HIVEP1: variants seen among roughly 807,000 people sequenced by gnomAD.
HIVEP1 encodes the protein zinc finger protein 40.
Under a neutral mutation model 180.0 loss-of-function variants are expected in HIVEP1, and 36 were observed. The observed-to-expected ratio is 0.20, with a 90% confidence interval of 0.15 to 0.26. The LOEUF is 0.26. HIVEP1 is among the 10% of genes least tolerant of loss of function. The pLI is 1.00. For missense variants in HIVEP1, 3,143 were observed against 3,268.7 expected (o/e 0.96, Z 0.94); for synonymous variants, 1,239 against 1,239.0 (o/e 1.00, Z 0.00).
At chr6:12,052,152 T>C (rs1238355091) in intron 2 of HIVEP1, among the ~76,000 whole-genome samples, 1 of 152,218 alleles carries the variant, frequency 6.6e-6, no homozygotes, top group South Asian at 2.1e-4. Flanking sequence ...AATAAAGACA[T>C]GTCTTCTTAC....
intron 3 of HIVEP1, among the ~76,000 whole-genome samples, chr6:12,100,365 A>G (rs928477301): frequency 5.3e-5 from 8 of 152,324 alleles, no homozygotes; most frequent in East Asian, 1.9e-4. Context: ...GATGATTTCA[A>G]CCTACCGAAT....
At chr6:12,189,104 G>A in the HIVEP1 span, among the ~76,000 whole-genome samples, 3 of 151,846 alleles carry the variant, frequency 2.0e-5, no homozygotes, top group South Asian at 2.1e-4. Context: ...AGTAGATAAC[G>A]GTGGAGTGTT....
chr6:12,185,921 C>T, the HIVEP1 span, among the ~76,000 whole-genome samples: 1 of 152,156 alleles, frequency 6.6e-6, no homozygotes, highest in African/African-American at 2.4e-5. Flanking sequence ...ATCATTCAAC[C>T]TAGCAAATTC....
At chr6:12,069,214 A>G (rs1477753247) in intron 2 of HIVEP1, among the ~76,000 whole-genome samples, 1 of 152,246 alleles carries the variant, frequency 6.6e-6, no homozygotes, top group African/African-American at 2.4e-5. Flanking sequence ...CCTGCACAGC[A>G]TGTTCATTTA....
At position 12,123,789 on chromosome 6, in the gene HIVEP1, G is replaced by A; in HGVS notation, c.3994G>A (p.Ala1332Thr). 1.2e-6 allele frequency: 2 copies of A among 1,614,124 alleles called. No homozygotes were observed. Among genetic ancestry groups the A allele is most frequent in the Admixed American group, 1.7e-5 (1 of 60,016 alleles). ...CATAGAGGACGTTTCTAAAACGGAG[G>A]CTTCCCCCAAAATCGATTTTCTAAA... The part of the protein sequence containing the change: ...LDIEDVSKTE[A>T]SPKIDFLNKA... The change falls in exon 4 of 9, where the codon GCT (alanine) becomes ACT (threonine). Residue 1332 changes from alanine (A) to threonine (T), a missense_variant. By Grantham distance (58) the Ala-to-Thr change is moderately conservative. Around this residue, in one of 12 missense-constraint regions of HIVEP1, gnomAD observed 1,357 missense variants for 1,260.5 expected, o/e 1.08. Coordinates refer to ENST00000379388, the MANE Select transcript of HIVEP1 (RefSeq NM_002114.4).
chr6:12,172,481 C>G, the HIVEP1 span, among the ~76,000 whole-genome samples: 1 of 151,924 alleles, frequency 6.6e-6, no homozygotes, highest in Non-Finnish European at 1.5e-5. Context: ...ATTATTAAGA[C>G]ACCTCAAATT....
intron 7 of HIVEP1, among the ~76,000 whole-genome samples, chr6:12,160,373 AGAAATTGACAG>A (rs1430918441): frequency 6.6e-6 from 1 of 152,236 alleles, no homozygotes; most frequent in African/African-American, 2.4e-5. Flanking sequence ...ATATCACAGA[AGAAATTGACAG>A]GAAATTGTAG....
At chr6:12,129,584 A>T in intron 4 of HIVEP1, 175 bp from the exon 5 acceptor site, 1 of 697,460 alleles carries the variant, frequency 1.4e-6, no homozygotes, top group Non-Finnish European at 2.7e-6. Flanking sequence ...GCTGTGATTG[A>T]GACAGATTCA....
rs1757726066 is a variant in HIVEP1 at position 12,122,318 on chromosome 6, C to T, written c.2523C>T (p.Ser841=). ...LDCLPITRSN[S]MPTTGYSAVP... ...GTTTACCTATCACAAGAAGTAATTCCATGCCGACCACAGGTTATTCAGCAG... is the reference window on the plus strand; with the variant it reads ...GTTTACCTATCACAAGAAGTAATTCTATGCCGACCACAGGTTATTCAGCAG... Residue 841 remains serine (S), a synonymous_variant, in exon 4 of 9, where the codon TCC becomes TCT. Transcript: ENST00000379388. 6.2e-7 allele frequency: 1 copy of T among 1,614,102 alleles called. No individual in the cohort carries two copies. The highest frequency in any genetic ancestry group is 1.7e-5 in the Admixed American group (1 of 60,004).
At chr6:12,084,796 C>T (rs925008055) in intron 2 of HIVEP1, among the ~76,000 whole-genome samples, 12 of 151,924 alleles carry the variant, frequency 7.9e-5, no homozygotes, top group African/African-American at 2.4e-4. Context: ...GGAGGACGTA[C>T]GGGTGCTAGC....
At chr6:12,011,270 T>TGCCCCCCCCCCC, upstream of HIVEP1, among the ~76,000 whole-genome samples, 3 of 71,630 alleles carry the variant, frequency 4.2e-5, no homozygotes, top group African/African-American at 1.2e-4. Flanking sequence ...CCCCTTGGGG[T>TGCCCCCCCCCCC]CCCCCCCCCC....
At chr6:12,151,479 T>C (rs1417320101) in intron 7 of HIVEP1, among the ~76,000 whole-genome samples, 1 of 152,200 alleles carries the variant, frequency 6.6e-6, no homozygotes, top group Non-Finnish European at 1.5e-5. Context: ...AAAGTCAGTG[T>C]ATCTTATTGG....
intron 2 of HIVEP1, among the ~76,000 whole-genome samples, chr6:12,017,999 C>G (rs143072662): frequency 1.3e-5 from 2 of 152,216 alleles, no homozygotes; most frequent in Admixed American, 1.3e-4. Context: ...AGGCTGGGGC[C>G]GTGCAGGAGC....
downstream of HIVEP1, among the ~76,000 whole-genome samples, chr6:12,166,825 A>G (rs549795385): frequency 5.9e-5 from 9 of 152,324 alleles, no homozygotes; most frequent in East Asian, 1.7e-3. Context: ...ACATAGTAAG[A>G]TAATTTATTG....
rs747731602 is a variant in HIVEP1 at position 12,123,392 on chromosome 6, A to G, written c.3597A>G (p.Ser1199=). 6.2e-7 allele frequency: 1 copy of G among 1,614,206 alleles called. No individual in the cohort carries two copies. Among genetic ancestry groups the G allele is most frequent in the Non-Finnish European group, 8.5e-7 (1 of 1,180,034 alleles). ...CTCATCCTCACCAGCTTGCACTATCAGACGCTCTCAGAGGAGAACTTCAGG... is the reference window on the plus strand; with the variant it reads ...CTCATCCTCACCAGCTTGCACTATCGGACGCTCTCAGAGGAGAACTTCAGG... The part of the protein sequence containing the change: ...DGSHPHQLAL[S]DALRGELQES... The change falls in exon 4 of 9, where the codon TCA becomes TCG. Residue 1199 remains serine (S), a synonymous_variant. Transcript: ENST00000379388.
chr6:12,192,299 A>T, the HIVEP1 span, among the ~76,000 whole-genome samples: 3 of 152,262 alleles, frequency 2.0e-5, no homozygotes, highest in East Asian at 1.9e-4. Context: ...ACATATTTTT[A>T]AATTTTTAAA....
intron 2 of HIVEP1, among the ~76,000 whole-genome samples, chr6:12,022,499 T>G (rs1357787976): frequency 1.3e-5 from 2 of 152,196 alleles, no homozygotes; most frequent in African/African-American, 2.4e-5. Context: ...GCTTATCCAT[T>G]TGGTACATTT....
chr6:12,128,704 G>A (rs759080123), intron 4 of HIVEP1, among the ~76,000 whole-genome samples: 16 of 152,056 alleles, frequency 1.1e-4, no homozygotes, highest in Non-Finnish European at 1.8e-4. Context: ...TATCAAATGG[G>A]TAGTAGCATA....
At chr6:12,130,212 C>T (rs2113563196) in intron 5 of HIVEP1, among the ~76,000 whole-genome samples, 1 of 152,240 alleles carries the variant, frequency 6.6e-6, no homozygotes, top group South Asian at 2.1e-4. Flanking sequence ...GAATTCATTG[C>T]CCATTAGATA....
Sources: gnomAD v4.1 joint callset for allele counts (sites outside exome capture counted in the v4.1 genomes callset) on GRCh38, gnomAD v4.1.1 for gene constraint, gnomAD v4.1.1 regional missense constraint, MANE v1.5 for transcripts, NCBI Gene and HGNC (gene_info 2026-07-23, HGNC 2026-07-21) for gene names.